CDKAL1: variants seen among roughly 807,000 people sequenced by gnomAD.
CDKAL1 encodes the protein threonylcarbamoyladenosine tRNA methylthiotransferase.
In CDKAL1, 32 loss-of-function variants were observed where a neutral mutation model predicts 68.2. The ratio of observed to expected loss-of-function variants is 0.47; its 90% confidence interval spans 0.35 to 0.63. The LOEUF is 0.63. CDKAL1 is among the 30% of genes least tolerant of loss of function. The pLI is 0.00. For synonymous variants in CDKAL1, 234 were observed against 244.3 expected (o/e 0.96, Z 0.39); for missense variants, 606 against 696.7 (o/e 0.87, Z 1.47).
intron 9 of CDKAL1, among the ~76,000 whole-genome samples, chr6:20,925,942 A>G (rs1561889449): frequency 7.3e-6 from 1 of 136,348 alleles, no homozygotes; most frequent in Non-Finnish European, 1.7e-5. Flanking sequence ...ACAAGTTCCA[A>G]CATATTTTTT....
chr6:20,717,299 A>T (rs1772143995), intron 5 of CDKAL1, among the ~76,000 whole-genome samples: 1 of 152,052 alleles, frequency 6.6e-6, no homozygotes, highest in African/African-American at 2.4e-5. Flanking sequence ...AATACAAAAT[A>T]CATGCGTATA....
chr6:21,001,771 C>T (rs1323663936), intron 11 of CDKAL1, among the ~76,000 whole-genome samples: 4 of 152,156 alleles, frequency 2.6e-5, no homozygotes, highest in Non-Finnish European at 5.9e-5. Flanking sequence ...TTCTTTTGGG[C>T]ACTCTGGCAC....
Position 21,000,311 on chromosome 6 carries a change from G to A in CDKAL1, c.994G>A (p.Glu332Lys). 1 of 1,613,878 alleles carries A rather than the reference G, an allele frequency of 6.2e-7. No homozygotes were observed. Among genetic ancestry groups the A allele is most frequent in the Non-Finnish European group, 8.5e-7 (1 of 1,179,794 alleles). Residue 332 changes from glutamate to lysine, a missense_variant, in exon 11 of 16, where the codon GAA (glutamate) becomes AAA (lysine). Coordinates refer to ENST00000274695, the MANE Select transcript of CDKAL1 (RefSeq NM_017774.3). ...GTCTGCCTCCGACAGCGTACTCATG[G>A]AAATGAAAAGAGAATACTGTGTGGC... ...VQSASDSVLMEMKREYCVADF... is the reference protein window; with the variant it reads ...VQSASDSVLMKMKREYCVADF...
intron 13 of CDKAL1, among the ~76,000 whole-genome samples, chr6:21,150,573 T>C (rs1048511067): frequency 5.3e-5 from 8 of 152,244 alleles, no homozygotes; most frequent in African/African-American, 1.9e-4. Context: ...ACTTGGCTTT[T>C]AGTGTGTGTC....
chr6:21,189,320 A>G (rs1254076455), intron 13 of CDKAL1, among the ~76,000 whole-genome samples: 1 of 152,238 alleles, frequency 6.6e-6, no homozygotes, highest in Non-Finnish European at 1.5e-5. Flanking sequence ...AAATGCAAAG[A>G]AAGAAGAAAT....
chr6:20,802,038 G>A (rs901321293), intron 8 of CDKAL1, among the ~76,000 whole-genome samples: 2 of 152,020 alleles, frequency 1.3e-5, no homozygotes, highest in African/African-American at 4.8e-5. Context: ...GGTGGCAAAC[G>A]CCTGTAATCC....
chr6:21,168,383 G>A (rs1031949899), intron 13 of CDKAL1, among the ~76,000 whole-genome samples: 4 of 152,188 alleles, frequency 2.6e-5, no homozygotes. Context: ...AAGCAGCCTA[G>A]AAAGACAACT....
At chr6:20,679,055 T>C (rs892774475) in intron 5 of CDKAL1, among the ~76,000 whole-genome samples, 2 of 152,136 alleles carry the variant, frequency 1.3e-5, no homozygotes, top group Non-Finnish European at 2.9e-5. Flanking sequence ...CGGGAGTGTG[T>C]CACCACACAT....
intron 2 of CDKAL1, among the ~76,000 whole-genome samples, chr6:20,545,951 C>A (rs1328508344): frequency 2.6e-5 from 4 of 152,122 alleles, no homozygotes; most frequent in Non-Finnish European, 5.9e-5. Context: ...CCTAGTTATA[C>A]CCAAAATTTC....
chr6:20,859,303 A>G (rs1226740944), intron 9 of CDKAL1, among the ~76,000 whole-genome samples: 1 of 152,008 alleles, frequency 6.6e-6, no homozygotes, highest in Non-Finnish European at 1.5e-5. Context: ...CTTAAAAAAA[A>G]AAGAAAAAAA....
intron 11 of CDKAL1, among the ~76,000 whole-genome samples, chr6:21,057,657 A>AATTTGATCT: frequency 7.2e-6 from 1 of 138,004 alleles, no homozygotes; most frequent in South Asian, 2.5e-4. Context: ...CTGGGCATTT[A>AATTTGATCT]GTGCTATAAA....
intron 13 of CDKAL1, among the ~76,000 whole-genome samples, chr6:21,144,729 G>A (rs541395890): frequency 2.2e-4 from 33 of 152,002 alleles, no homozygotes; most frequent in Non-Finnish European, 4.3e-4. Flanking sequence ...GAGCCCAGGA[G>A]GTGGAGGCTG....
intron 8 of CDKAL1, among the ~76,000 whole-genome samples, chr6:20,816,930 A>T (rs1268553799): frequency 2.0e-5 from 3 of 152,142 alleles, no homozygotes; most frequent in Non-Finnish European, 4.4e-5. Flanking sequence ...TAACACTTAG[A>T]TTAGTTTCAG....
intron 9 of CDKAL1, among the ~76,000 whole-genome samples, chr6:20,878,092 T>C (rs1265740180): frequency 6.6e-6 from 1 of 152,218 alleles, no homozygotes; most frequent in Non-Finnish European, 1.5e-5. Flanking sequence ...TTGGCAATAC[T>C]GTGGTATTTA....
Position 20,934,891 on chromosome 6 carries a change from G to A in CDKAL1, c.743-20528G>A, listed in dbSNP as rs541059240. 1.0e-3 allele frequency among the ~76,000 whole-genome samples: 145 copies of A among 141,632 alleles called. 1 individual carries two copies. In the Middle Eastern group the frequency reaches 0.01, roughly 10 times the overall value. 92.9% of individuals were successfully genotyped at this position (141,632 alleles called of 152,430 possible). ...ACCCTGTACTTAATTACTTAATTCCGCCTTATACATTTTTTTTTTTTTTTT... is the reference window on the plus strand; with the variant it reads ...ACCCTGTACTTAATTACTTAATTCCACCTTATACATTTTTTTTTTTTTTTT... On this transcript the variant is annotated intron_variant, in intron 9 of 15. Transcript: ENST00000274695.
intron 4 of CDKAL1, among the ~76,000 whole-genome samples, chr6:20,624,398 C>CT (rs1231718113): frequency 6.6e-6 from 1 of 151,832 alleles, no homozygotes; most frequent in East Asian, 1.9e-4. Context: ...TCTGTGCTGT[C>CT]TTTTTTTCTC....
intron 6 of CDKAL1, among the ~76,000 whole-genome samples, chr6:20,739,944 C>T (rs1163151547): frequency 6.6e-6 from 1 of 152,204 alleles, no homozygotes; most frequent in African/African-American, 2.4e-5. Context: ...CACTCAGCTA[C>T]TTGCTTTTCG....
intron 9 of CDKAL1, among the ~76,000 whole-genome samples, chr6:20,920,502 A>C (rs1488903322): frequency 6.6e-6 from 1 of 152,154 alleles, no homozygotes. Flanking sequence ...TTGCAATACT[A>C]TTCTTTGATT....
chr6:20,691,286 C>T (rs1398701599), intron 5 of CDKAL1, among the ~76,000 whole-genome samples: 11 of 147,636 alleles, frequency 7.5e-5, no homozygotes, highest in Admixed American at 6.7e-4. Flanking sequence ...ATCTCTGGGC[C>T]GGCAGACCCT....
Sources: gnomAD v4.1 joint callset for allele counts (sites outside exome capture counted in the v4.1 genomes callset) on GRCh38, gnomAD v4.1.1 for gene constraint, MANE v1.5 for transcripts, NCBI Gene and HGNC (gene_info 2026-07-23, HGNC 2026-07-21) for gene names.